MN1: variants seen among roughly 807,000 people sequenced by gnomAD.
MN1 encodes the protein transcriptional activator MN1.
MN1 carries 19 observed loss-of-function variants against 86.9 expected under a neutral mutation model. That is an observed-to-expected ratio of 0.22 (90% CI 0.15 to 0.32). MN1 has a LOEUF of 0.32. MN1 is among the 10% of genes least tolerant of loss of function. The pLI is 1.00. For missense variants in MN1, 1,841 were observed against 1,862.0 expected (o/e 0.99, Z 0.21); for synonymous variants, 928 against 849.6 (o/e 1.09, Z -1.60).
At chr22:27,791,188 C>A (rs924382067) in intron 1 of MN1, among the ~76,000 whole-genome samples, 1 of 152,044 alleles carries the variant, frequency 6.6e-6, no homozygotes, top group Non-Finnish European at 1.5e-5. Flanking sequence ...GAGATACAGA[C>A]CCAGAGCTTC....
At chr22:27,772,572 C>G (rs1008580335) in intron 1 of MN1, among the ~76,000 whole-genome samples, 8 of 152,094 alleles carry the variant, frequency 5.3e-5, no homozygotes, top group Non-Finnish European at 1.0e-4. Flanking sequence ...CTTAACCAAC[C>G]CCAAGACAAC....
At chr22:27,777,432 C>T (rs1932991685) in intron 1 of MN1, among the ~76,000 whole-genome samples, 2 of 151,428 alleles carry the variant, frequency 1.3e-5, no homozygotes, top group Non-Finnish European at 2.9e-5. Flanking sequence ...ACCCTGGAGG[C>T]TGAGGTGGGA....
At chr22:27,774,604 A>G (rs1378298580) in intron 1 of MN1, among the ~76,000 whole-genome samples, 2 of 152,104 alleles carry the variant, frequency 1.3e-5, no homozygotes, top group East Asian at 1.9e-4. Flanking sequence ...TTTTCCTCCA[A>G]TATTAGGAAT....
chr22:27,785,937 G>T (rs1231446478), intron 1 of MN1, among the ~76,000 whole-genome samples: 1 of 152,168 alleles, frequency 6.6e-6, no homozygotes, highest in African/African-American at 2.4e-5. Context: ...CATAAAAAAA[G>T]AAATTGTATC....
chr22:27,768,848 A>T (rs892814675), intron 1 of MN1, among the ~76,000 whole-genome samples: 1 of 152,158 alleles, frequency 6.6e-6, no homozygotes, highest in Admixed American at 6.5e-5. Flanking sequence ...TTCCTCATTC[A>T]TGACTAGCAA....
intron 1 of MN1, among the ~76,000 whole-genome samples, chr22:27,796,362 C>T (rs1300867925): frequency 2.6e-5 from 4 of 151,186 alleles, no homozygotes; most frequent in South Asian, 2.1e-4. Context: ...CCAGGGAAGG[C>T]GGCACACAGC....
chr22:27,763,453 T>C (rs1181762124), intron 1 of MN1, among the ~76,000 whole-genome samples: 2 of 152,198 alleles, frequency 1.3e-5, no homozygotes, highest in Non-Finnish European at 2.9e-5. Flanking sequence ...AGGCCTGAGT[T>C]TGAAATCCAT....
intron 1 of MN1, among the ~76,000 whole-genome samples, chr22:27,787,966 C>G (rs1280684991): frequency 6.6e-6 from 1 of 152,202 alleles, no homozygotes; most frequent in Non-Finnish European, 1.5e-5. Flanking sequence ...GCATGTGCAG[C>G]GATGTGGGAG....
chr22:27,761,507 G>T (rs377650050), intron 1 of MN1, among the ~76,000 whole-genome samples: 1 of 150,890 alleles, frequency 6.6e-6, no homozygotes, highest in Non-Finnish European at 1.5e-5. Flanking sequence ...GGACAAAACC[G>T]GACAGCCCCC....
chr22:27,777,520 T>A (rs561649266), intron 1 of MN1, among the ~76,000 whole-genome samples: 169 of 131,196 alleles, frequency 1.3e-3, no homozygotes, highest in Non-Finnish European at 1.8e-3. Flanking sequence ...GTGACAGAGC[T>A]AGACCTTGTT....
intron 1 of MN1, among the ~76,000 whole-genome samples, chr22:27,782,882 T>C (rs1933072630): frequency 6.6e-6 from 1 of 152,178 alleles, no homozygotes; most frequent in African/African-American, 2.4e-5. Context: ...ACACACTTTT[T>C]TTTTCCTCTT....
chr22:27,784,883 G>A (rs1395951095), intron 1 of MN1, among the ~76,000 whole-genome samples: 2 of 151,940 alleles, frequency 1.3e-5, no homozygotes, highest in East Asian at 3.9e-4. Context: ...GTTGTGGGTC[G>A]GGGGGAGTTG....
chr22:27,796,742 G>A, intron 1 of MN1, 21 bp downstream of exon 1: 1 of 1,561,620 alleles, frequency 6.4e-7, no homozygotes, highest in South Asian at 1.2e-5. Context: ...GGAAGTGAGA[G>A]GAAAACGAGT....
At position 27,800,254 on chromosome 22, in the gene MN1, G is replaced by C; in HGVS notation, c.290C>G (p.Pro97Arg). 6.3e-7 allele frequency: 1 copy of C among 1,584,562 alleles called. No individual in the cohort carries two copies. Among genetic ancestry groups the C allele is most frequent in the Non-Finnish European group, 8.6e-7 (1 of 1,166,318 alleles). Residue 97 changes from proline (P) to arginine (R), a missense_variant, in exon 1 of 2, where the codon CCT (proline) becomes CGT (arginine). Coordinates refer to ENST00000302326, the MANE Select transcript of MN1 (RefSeq NM_002430.3). ...ATGACTTCCCGGGTGGCCGTGGTGA[G>C]GCTGCTGGCCGCCAAAGAAGCCGTG... is the stretch of plus-strand genomic sequence containing the variant. ...PVHGFFGGQQPHHGHPGSHHP... is the reference protein window; with the variant it reads ...PVHGFFGGQQRHHGHPGSHHP...
chr22:27,801,036 C>A lies in MN1; in HGVS notation c.-493G>T, dbSNP rs1000704093. Reference sequence around the variant, plus strand: ...CTGCTAAGGGCAGGGGAGGGAGACCCTTCAAAGCCGCGGCTGGCGCCGGGC... The same window carrying A: ...CTGCTAAGGGCAGGGGAGGGAGACCATTCAAAGCCGCGGCTGGCGCCGGGC... On this transcript the variant is annotated 5_prime_UTR_variant, in exon 1 of 2. It adds an upstream start codon to the 5' untranslated region. Transcript: ENST00000302326. 4.1e-5 allele frequency: 10 copies of A among 242,560 alleles called. No homozygotes were observed. The highest frequency in any genetic ancestry group is 8.1e-5 in the Non-Finnish European group (10 of 123,568). The allele number at this position is 242,560 out of a possible 1,614,324, so 15.0% of individuals were successfully genotyped here. A position where few individuals can be genotyped will look rare whatever the true frequency, so the allele number is the denominator to read the frequency against.
In MN1 at chr22:27,800,590, C is replaced by A; in HGVS notation, c.-47G>T. ...GATCAATAGGGCATGACAGCCGGCTCTCCGCGGCGCGCCTCCGGCCAGCTA... is the reference window on the plus strand; with the variant it reads ...GATCAATAGGGCATGACAGCCGGCTATCCGCGGCGCGCCTCCGGCCAGCTA... On this transcript the variant is annotated 5_prime_UTR_variant, in exon 1 of 2. Coordinates refer to ENST00000302326, the MANE Select transcript of MN1 (RefSeq NM_002430.3). 6.2e-7 allele frequency: 1 copy of A among 1,610,736 alleles called. No homozygotes were observed. The highest frequency in any genetic ancestry group is 1.1e-5 in the South Asian group (1 of 90,962).
chr22:27,771,948 A>G (rs547314855), intron 1 of MN1, among the ~76,000 whole-genome samples: 1 of 152,340 alleles, frequency 6.6e-6, no homozygotes, highest in African/African-American at 2.4e-5. Flanking sequence ...ACCGCCGTAT[A>G]TCAATTATTG....
intron 1 of MN1, among the ~76,000 whole-genome samples, chr22:27,788,160 A>T (rs1319531110): frequency 6.6e-6 from 1 of 152,130 alleles, no homozygotes; most frequent in Non-Finnish European, 1.5e-5. Context: ...ACTTCAACTC[A>T]TGTTGACGCA....
intron 1 of MN1, among the ~76,000 whole-genome samples, chr22:27,794,332 C>T (rs1166742900): frequency 6.6e-6 from 1 of 152,210 alleles, no homozygotes; most frequent in Non-Finnish European, 1.5e-5. Context: ...TAACTAGCAA[C>T]CCCAAGGCTA....
Sources: allele counts gnomAD v4.1 joint callset (sites outside exome capture counted in the v4.1 genomes callset), GRCh38; gene constraint gnomAD v4.1.1; transcripts MANE v1.5; gene names NCBI Gene and HGNC (gene_info 2026-07-23, HGNC 2026-07-21).